The following OR14A2 variants were observed in gnomAD, a reference collection of about 807,000 sequenced individuals.
OR14A2 encodes the protein olfactory receptor 14A2.
For synonymous variants in OR14A2, 114 were observed against 58.6 expected (o/e 1.95, Z -4.32); for missense variants, 237 against 152.9 (o/e 1.55, Z -2.90).
At chr1:247,744,914 T>C in the OR14A2 span, among the ~76,000 whole-genome samples, 1 of 152,132 alleles carries the variant, frequency 6.6e-6, no homozygotes, top group Admixed American at 6.5e-5. This position sits in a 1 kb window ranked among gnomAD's most constrained non-coding sequence, Gnocchi z 4.3. Context: ...TGGACATACA[T>C]TGTGGAACTA....
At chr1:247,739,194 A>G in the OR14A2 span, 22 of 780,704 alleles carry the variant, frequency 2.8e-5, no homozygotes, top group Non-Finnish European at 4.8e-5. Context: ...ACATGCCATC[A>G]TTAGTGTCAG....
chr1:247,730,871 T>C, the OR14A2 span, among the ~76,000 whole-genome samples: 12 of 152,170 alleles, frequency 7.9e-5, no homozygotes, highest in African/African-American at 2.6e-4. Flanking sequence ...GGATGATGCC[T>C]CTCCACCTTG....
chr1:247,741,968 C>A, the OR14A2 span, among the ~76,000 whole-genome samples: 1 of 152,152 alleles, frequency 6.6e-6, no homozygotes, highest in Non-Finnish European at 1.5e-5. Flanking sequence ...AAAATTTTAC[C>A]TTTACAGTGA....
chr1:247,736,795 A>C, the OR14A2 span, among the ~76,000 whole-genome samples: 1 of 152,116 alleles, frequency 6.6e-6, no homozygotes, highest in African/African-American at 2.4e-5. Flanking sequence ...CAAACAAAGG[A>C]GGCTTTACTT....
the OR14A2 span, among the ~76,000 whole-genome samples, chr1:247,730,264 AATCGTT>A: frequency 6.6e-6 from 1 of 152,172 alleles, no homozygotes; most frequent in Non-Finnish European, 1.5e-5. Context: ...ACCAAACTCA[AATCGTT>A]ACAAATCCAG....
the OR14A2 span, chr1:247,739,097 A>G: frequency 1.3e-6 from 1 of 780,768 alleles, no homozygotes; most frequent in South Asian, 1.3e-5. Flanking sequence ...CAGCTGGAAC[A>G]TTCTCTCTGA....
exon 1 of OR14A2, chr1:247,723,513 A>G (rs1221799616): frequency 1.4e-6 from 1 of 717,934 alleles, no homozygotes; most frequent in Non-Finnish European, 2.6e-6. Flanking sequence ...AAGGAACATC[A>G]CAGAAAAACT....
At chr1:247,739,767 C>T in the OR14A2 span, among the ~76,000 whole-genome samples, 21 of 152,030 alleles carry the variant, frequency 1.4e-4, no homozygotes, top group South Asian at 4.4e-3. Flanking sequence ...CGGAATCTCT[C>T]TCTGTCATCC....
chr1:247,747,364 T>C, the OR14A2 span, among the ~76,000 whole-genome samples: 5 of 151,438 alleles, frequency 3.3e-5, no homozygotes, highest in Admixed American at 1.3e-4. Flanking sequence ...GAAGACTTTT[T>C]TTTTTTTTTT....
upstream of OR14A2, among the ~76,000 whole-genome samples, chr1:247,727,114 T>C (rs1660392014): frequency 6.6e-6 from 1 of 150,714 alleles, no homozygotes; most frequent in African/African-American, 2.5e-5. Context: ...ATCCGTAAAT[T>C]ACCTTGGGCA....
the OR14A2 span, among the ~76,000 whole-genome samples, chr1:247,743,036 C>T: frequency 6.6e-6 from 1 of 152,082 alleles, no homozygotes; most frequent in African/African-American, 2.4e-5. Flanking sequence ...AATTGATAGT[C>T]GATTCATTTA....
chr1:247,726,969 T>A (rs1660387882), upstream of OR14A2, among the ~76,000 whole-genome samples: 1 of 147,652 alleles, frequency 6.8e-6, no homozygotes, highest in Non-Finnish European at 1.5e-5. Flanking sequence ...GGTAGTGTGA[T>A]GCCTCCAGCT....
the OR14A2 span, among the ~76,000 whole-genome samples, chr1:247,737,651 T>G: frequency 6.6e-6 from 1 of 152,040 alleles, no homozygotes; most frequent in Non-Finnish European, 1.5e-5. Flanking sequence ...AGAGATGGCC[T>G]GGAAACCAAA....
the OR14A2 span, among the ~76,000 whole-genome samples, chr1:247,740,350 A>T: frequency 1.3e-5 from 2 of 152,144 alleles, no homozygotes; most frequent in African/African-American, 4.8e-5. Flanking sequence ...TAAAGTTATG[A>T]TTTCAACTTA....
the OR14A2 span, among the ~76,000 whole-genome samples, chr1:247,735,476 T>C: frequency 3.3e-5 from 5 of 152,342 alleles, no homozygotes; most frequent in South Asian, 1.0e-3. Flanking sequence ...TCTCCTTTTC[T>C]GACTCACTGG....
the OR14A2 span, among the ~76,000 whole-genome samples, chr1:247,730,191 T>C: frequency 6.6e-6 from 1 of 152,084 alleles, no homozygotes; most frequent in Non-Finnish European, 1.5e-5. Context: ...CTCCTGTAGA[T>C]TGGCCCTCAC....
chr1:247,729,610 C>T, the OR14A2 span, among the ~76,000 whole-genome samples: 2 of 151,928 alleles, frequency 1.3e-5, no homozygotes, highest in Admixed American at 6.6e-5. Flanking sequence ...GTTTTTCATT[C>T]GAAGCATAGT....
the OR14A2 span, among the ~76,000 whole-genome samples, chr1:247,743,811 T>C: frequency 6.6e-6 from 1 of 152,210 alleles, no homozygotes; most frequent in African/African-American, 2.4e-5. Flanking sequence ...AGTCTTTAAG[T>C]GTGTTGTAAT....
the OR14A2 span, among the ~76,000 whole-genome samples, chr1:247,747,902 C>T: frequency 6.6e-6 from 1 of 152,136 alleles, no homozygotes; most frequent in African/African-American, 2.4e-5. Context: ...TTCTTGAGGT[C>T]TCCAAAATAT....
Sources: gnomAD v4.1 joint callset for allele counts (sites outside exome capture counted in the v4.1 genomes callset) on GRCh38, gnomAD v4.1.1 for gene constraint, Gnocchi (gnomAD v3.1) non-coding constraint, MANE v1.5 for transcripts, NCBI Gene and HGNC (gene_info 2026-07-23, HGNC 2026-07-21) for gene names.